The following SH3BGRL2 variants were observed in gnomAD, a reference collection of about 807,000 sequenced individuals.
SH3BGRL2 encodes the protein SH3 domain binding glutamate rich protein like 2.
A neutral mutation model predicts 14.8 loss-of-function variants in SH3BGRL2; 21 were observed. The ratio of observed to expected loss-of-function variants is 1.42; its 90% CI spans 1.01 to 2.05. The LOEUF is 2.05. SH3BGRL2 is among the 30% of genes most tolerant of loss of function. The pLI, the probability that SH3BGRL2 is intolerant of heterozygous loss-of-function variation, is 0.00. For synonymous variants in SH3BGRL2, 50 were observed against 47.8 expected (o/e 1.05, Z -0.19); for missense variants, 147 against 130.8 (o/e 1.12, Z -0.61).
chr6:79,639,762 T>G (rs1030804601), intron 1 of SH3BGRL2, among the ~76,000 whole-genome samples: 1 of 152,248 alleles, frequency 6.6e-6, no homozygotes, highest in African/African-American at 2.4e-5. Flanking sequence ...CAGGAGTTTT[T>G]CAGCAGGAAT....
chr6:79,659,730 A>G (rs1769501990), intron 1 of SH3BGRL2, among the ~76,000 whole-genome samples: 2 of 152,180 alleles, frequency 1.3e-5, no homozygotes, highest in African/African-American at 4.8e-5. Flanking sequence ...TACCTTGGGC[A>G]GTGTGGCCAT....
intron 1 of SH3BGRL2, among the ~76,000 whole-genome samples, chr6:79,671,914 C>T (rs1769783057): frequency 1.3e-5 from 2 of 152,246 alleles, no homozygotes; most frequent in Non-Finnish European, 2.9e-5. Context: ...TGAAAACTTC[C>T]TTCTACGGAT....
upstream of SH3BGRL2, among the ~76,000 whole-genome samples, chr6:79,630,190 G>A (rs111610136): frequency 1.2e-4 from 18 of 152,230 alleles, no homozygotes; most frequent in African/African-American, 4.3e-4. Context: ...TTTAAGAAAA[G>A]CAATAGGAAA....
the SH3BGRL2 span, among the ~76,000 whole-genome samples, chr6:79,554,599 A>G: frequency 6.6e-5 from 10 of 152,372 alleles, no homozygotes; most frequent in South Asian, 1.9e-3. Context: ...AGTTAAAAAT[A>G]TAAAATTCAA....
chr6:79,596,142 T>TCA, the SH3BGRL2 span, among the ~76,000 whole-genome samples: 1 of 152,318 alleles, frequency 6.6e-6, no homozygotes, highest in African/African-American at 2.4e-5. Flanking sequence ...TATACTCTGA[T>TCA]ATTACAAAAC....
At chr6:79,565,635 A>G in the SH3BGRL2 span, among the ~76,000 whole-genome samples, 21 of 151,986 alleles carry the variant, frequency 1.4e-4, no homozygotes, top group Admixed American at 1.4e-3. Flanking sequence ...GCATTGCATT[A>G]GCTTATTATC....
chr6:79,570,369 C>T, the SH3BGRL2 span, among the ~76,000 whole-genome samples: 1 of 152,124 alleles, frequency 6.6e-6, no homozygotes, highest in Non-Finnish European at 1.5e-5. Flanking sequence ...GGAGTGCTAG[C>T]TCAAATCATT....
At chr6:79,611,263 G>A in the SH3BGRL2 span, among the ~76,000 whole-genome samples, 1 of 152,004 alleles carries the variant, frequency 6.6e-6, no homozygotes, top group Non-Finnish European at 1.5e-5. Context: ...GAATGTAGGT[G>A]CCTAGCAATA....
chr6:79,646,452 G>A (rs770517169), intron 1 of SH3BGRL2, among the ~76,000 whole-genome samples: 19 of 152,310 alleles, frequency 1.2e-4, no homozygotes, highest in African/African-American at 3.6e-4. Context: ...TGGTTCTGGC[G>A]TTGCCATTTA....
At chr6:79,658,305 C>T (rs1365181834) in intron 1 of SH3BGRL2, among the ~76,000 whole-genome samples, 4 of 152,160 alleles carry the variant, frequency 2.6e-5, no homozygotes. Context: ...CCCCCACCAC[C>T]CGACAGGCCC....
intron 3 of SH3BGRL2, 74 bp from the exon 4 acceptor site, chr6:79,699,424 C>G: frequency 6.8e-7 from 1 of 1,475,150 alleles, no homozygotes; most frequent in Non-Finnish European, 9.0e-7. Context: ...AAACCCCTGC[C>G]AAGGGTGAAT....
chr6:79,697,589 G>A lies in SH3BGRL2; in HGVS notation c.312+1024G>A, dbSNP rs185868208. 1.2e-4 allele frequency among the ~76,000 whole-genome samples: 19 copies of A among 152,262 alleles called. No individual in the cohort carries two copies. In the East Asian group the frequency reaches 1.4e-3, roughly 11 times the overall value. ...TGCAGTGCATAGCCAATGTGAAATC[G>A]TGCTTTGTTTTTACATCAGTTAGTC... On this transcript the variant is annotated intron_variant, in intron 3 of 3. Coordinates refer to ENST00000369838, the MANE Select transcript of SH3BGRL2 (RefSeq NM_031469.4).
chr6:79,633,924 C>T (rs969256555), intron 1 of SH3BGRL2, among the ~76,000 whole-genome samples: 3 of 152,176 alleles, frequency 2.0e-5, no homozygotes, highest in African/African-American at 7.2e-5. Flanking sequence ...GCTTTAGTGG[C>T]GTAGCCATGA....
At chr6:79,696,374 G>T in intron 2 of SH3BGRL2, 111 bp from the exon 3 acceptor site, 2 of 749,450 alleles carry the variant, frequency 2.7e-6, no homozygotes, top group South Asian at 1.8e-5. Flanking sequence ...CCCTGATCTG[G>T]ACAGAGCAAT....
At chr6:79,622,881 CAAAT>C in the SH3BGRL2 span, among the ~76,000 whole-genome samples, 213 of 152,266 alleles carry the variant, frequency 1.4e-3, 2 homozygotes, top group African/African-American at 4.9e-3. Flanking sequence ...AAGTGTTCAA[CAAAT>C]AAACTGAATT....
At chr6:79,581,794 G>A in the SH3BGRL2 span, among the ~76,000 whole-genome samples, 13 of 152,244 alleles carry the variant, frequency 8.5e-5, no homozygotes, top group South Asian at 2.7e-3. Context: ...GGGCAATCAG[G>A]CAAGAGAAAG....
intron 2 of SH3BGRL2, among the ~76,000 whole-genome samples, chr6:79,678,165 CACTT>C (rs1455311800): frequency 5.9e-5 from 9 of 152,018 alleles, no homozygotes; most frequent in African/African-American, 1.2e-4. Flanking sequence ...AAACATATAA[CACTT>C]ACTATCTTAA....
At chr6:79,681,966 T>A (rs904839814) in intron 2 of SH3BGRL2, among the ~76,000 whole-genome samples, 23 of 150,628 alleles carry the variant, frequency 1.5e-4, no homozygotes, top group Admixed American at 9.3e-4. Context: ...AAAAAAAAAA[T>A]TTCACTTTAA....
intron 1 of SH3BGRL2, among the ~76,000 whole-genome samples, chr6:79,636,520 A>T (rs1768926083): frequency 6.6e-6 from 1 of 152,138 alleles, no homozygotes; most frequent in Non-Finnish European, 1.5e-5. Context: ...GTGGTGATGG[A>T]AGGTAAGAGT....
Sources: allele counts gnomAD v4.1 joint callset (sites outside exome capture counted in the v4.1 genomes callset), GRCh38; gene constraint gnomAD v4.1.1; transcripts MANE v1.5; gene names NCBI Gene and HGNC (gene_info 2026-07-23, HGNC 2026-07-21).